Variants in SORL1 observed in about 807,000 individuals in gnomAD.
SORL1 encodes sortilin-related receptor.
SORL1 carries 127 observed loss-of-function variants against 273.7 expected under a neutral mutation model. The observed-to-expected ratio is 0.46, with a 90% CI of 0.40 to 0.54. SORL1 has a LOEUF of 0.54. Ranked by LOEUF, SORL1 falls within the 20% of genes least tolerant of loss-of-function variation. The probability of loss-of-function intolerance (pLI) is 0.00; values close to 1 mark genes in which losing one functional copy is unlikely to be tolerated. For synonymous variants in SORL1, 1,031 were observed against 1,067.4 expected (o/e 0.97, Z 0.66); for missense variants, 2,494 against 2,846.1 (o/e 0.88, Z 2.81).
In SORL1 at chr11:121,595,130, C is replaced by T. The variant is rs1285369840; in HGVS notation, c.4370-493C>T. ...GGGGTGACGTATGGGTTGGTTGCCTCGTGGGACTGATAGGAGGGGATATAA... is the reference window on the plus strand; with the variant it reads ...GGGGTGACGTATGGGTTGGTTGCCTTGTGGGACTGATAGGAGGGGATATAA... On this transcript the variant is annotated intron_variant, in intron 31 of 47. Coordinates refer to ENST00000260197, the MANE Select transcript of SORL1 (RefSeq NM_003105.6). The surrounding 1 kb of genome is among the most constrained non-coding windows in gnomAD (Gnocchi z 5.1). Among the ~76,000 whole-genome samples the T allele has an allele frequency of 2.0e-5, 3 of 152,292 alleles. No homozygotes were observed. The highest frequency in any genetic ancestry group is 3.4e-3 in the Middle Eastern group (1 of 294).
At chr11:121,624,585 GGAAGTGAGCC>G (rs1201497785) in intron 45 of SORL1, among the ~76,000 whole-genome samples, 7 of 152,252 alleles carry the variant, frequency 4.6e-5, no homozygotes, top group Non-Finnish European at 8.8e-5. Flanking sequence ...CAGGGAGACA[GGAAGTGAGCC>G]GACAAGGTCA....
Position 121,629,529 on chromosome 11 carries a change from G to A in SORL1, c.6611G>A (p.Gly2204Glu). 2 of 1,589,964 alleles carry A rather than the reference G, an allele frequency of 1.3e-6. No homozygotes were observed. Among genetic ancestry groups the A allele is most frequent in the East Asian group, 4.5e-5 (2 of 44,766 alleles). ...EDDEDAPMIT[G>E]FSDDVPMVIA Reference sequence around the variant, plus strand: ...GATGAAGATGCCCCTATGATAACTGGATTTTCAGATGACGTCCCCATGGTG... The same window carrying A: ...GATGAAGATGCCCCTATGATAACTGAATTTTCAGATGACGTCCCCATGGTG... The change falls in exon 48 of 48, where the codon GGA becomes GAA. Residue 2204 changes from glycine to glutamate, a missense_variant. Physicochemically the swap from Gly to Glu is moderately conservative, Grantham distance 98. This residue lies in a region of SORL1 where 1,609 missense variants were observed against 1,816.4 expected (regional missense o/e 0.89). Transcript: ENST00000260197.
At chr11:121,497,242 G>C (rs1160385679) in intron 6 of SORL1, among the ~76,000 whole-genome samples, 193 bp downstream of exon 6, 1 of 152,192 alleles carries the variant, frequency 6.6e-6, no homozygotes, top group African/African-American at 2.4e-5. Context: ...TAGGAAGTCA[G>C]AGGAGTGGAG....
At chr11:121,542,150 C>T (rs1429439191) in intron 12 of SORL1, among the ~76,000 whole-genome samples, 1 of 152,194 alleles carries the variant, frequency 6.6e-6, no homozygotes, top group Non-Finnish European at 1.5e-5. Flanking sequence ...TCCCTCACAG[C>T]TACTTAAATG....
chr11:121,462,751 GT>G (rs1861021269), intron 1 of SORL1, among the ~76,000 whole-genome samples: 1 of 151,930 alleles, frequency 6.6e-6, no homozygotes, highest in Non-Finnish European at 1.5e-5. Flanking sequence ...GGCCCGTCTA[GT>G]TTTTGTATTT....
chr11:121,620,236 A>AT (rs1267783864), intron 43 of SORL1, among the ~76,000 whole-genome samples: 2 of 152,058 alleles, frequency 1.3e-5, no homozygotes, highest in East Asian at 1.9e-4. Context: ...CCCATTGCCT[A>AT]TTTTTTTAAA....
chr11:121,577,474 C>G (rs3824966), intron 25 of SORL1, 74 bp downstream of exon 25: 340,632 of 1,390,522 alleles, frequency 0.24, 46,933 homozygotes, highest in East Asian at 0.51. Flanking sequence ...TTTAAACGAT[C>G]GGAAAATCTA....
At position 121,625,232 on chromosome 11, in the gene SORL1, A is replaced by G. The variant is rs774553061; in HGVS notation, c.6319A>G (p.Ile2107Val). ...VQARCLFGNQ[I>V]CGEPAILLYD... is the part of the protein sequence containing the mutation. ...AGCAAGATGCCTTTTTGGCAACCAG[A>G]TCTGTGGGGAGCCTGCCATCCTGCT... The change falls in exon 46 of 48, where the codon ATC (isoleucine) becomes GTC (valine). Residue 2107 changes from isoleucine to valine, a missense_variant. By Grantham distance (29) the Ile-to-Val change is conservative. Coordinates refer to ENST00000260197, the MANE Select transcript of SORL1 (RefSeq NM_003105.6). 1.2e-6 allele frequency: 2 copies of G among 1,613,910 alleles called. No homozygotes were observed. Among genetic ancestry groups the G allele is most frequent in the African/African-American group, 2.7e-5 (2 of 74,870 alleles).
chr11:121,543,657 A>C lies in SORL1; in HGVS notation c.1795A>C (p.Ile599Leu). 6.2e-7 allele frequency: 1 copy of C among 1,614,192 alleles called. No homozygotes were observed. Among genetic ancestry groups the C allele is most frequent in the Non-Finnish European group, 8.5e-7 (1 of 1,180,008 alleles). The change falls in exon 13 of 48, where the codon ATC (isoleucine) becomes CTC (leucine). Residue 599 changes from isoleucine to leucine, a missense_variant. Ile to Leu is a conservative substitution (Grantham distance 5). Coordinates refer to ENST00000260197, the MANE Select transcript of SORL1 (RefSeq NM_003105.6). ...TGGGGAGAAGAGCACTGTCTTCACCATCTTTGGCTCGAACAAAGAGAATGT... is the reference window on the plus strand; with the variant it reads ...TGGGGAGAAGAGCACTGTCTTCACCCTCTTTGGCTCGAACAAAGAGAATGT... ...EPGEKSTVFT[I>L]FGSNKENVHS...
At chr11:121,468,528 C>A (rs1861121376) in intron 1 of SORL1, among the ~76,000 whole-genome samples, 1 of 152,176 alleles carries the variant, frequency 6.6e-6, no homozygotes, top group South Asian at 2.1e-4. Flanking sequence ...TCAAGCGATT[C>A]TTCTGCCTCA....
chr11:121,531,449 C>T (rs1166829781), intron 11 of SORL1, among the ~76,000 whole-genome samples: 1 of 152,072 alleles, frequency 6.6e-6, no homozygotes. Context: ...GGATTGGCAC[C>T]TTTTGACTAT....
At chr11:121,505,251 A>C (rs1414508793) in intron 6 of SORL1, among the ~76,000 whole-genome samples, 1 of 151,906 alleles carries the variant, frequency 6.6e-6, no homozygotes, top group East Asian at 1.9e-4. Flanking sequence ...CATAGTGTTC[A>C]CACTAATCTT....
chr11:121,518,951 CTT>C (rs60120156), intron 8 of SORL1, among the ~76,000 whole-genome samples: 46 of 138,578 alleles, frequency 3.3e-4, no homozygotes, highest in Admixed American at 5.0e-4. Context: ...TTTTCTTTTT[CTT>C]TTTTTTTTTT....
chr11:121,478,172 A>G lies in SORL1; in HGVS notation c.457A>G (p.Asn153Asp). 1 of 1,614,172 alleles carries G rather than the reference A, an allele frequency of 6.2e-7. No homozygotes were observed. The highest frequency in any genetic ancestry group is 8.5e-7 in the Non-Finnish European group (1 of 1,180,024). The change falls in exon 3 of 48, where the codon AAC becomes GAC. Residue 153 changes from asparagine to aspartate, a missense_variant. Physicochemically the swap from Asn to Asp is conservative, Grantham distance 23 (BLOSUM62 1). Coordinates refer to ENST00000260197, the MANE Select transcript of SORL1 (RefSeq NM_003105.6). ...KSFKKISDKL[N>D]FGLGNRSEAV... ...ATTCAAGAAAATTTCAGACAAGTTAAACTTTGGCTTGGGAAATAGGAGTGA... is the reference window on the plus strand; with the variant it reads ...ATTCAAGAAAATTTCAGACAAGTTAGACTTTGGCTTGGGAAATAGGAGTGA...
intron 11 of SORL1, among the ~76,000 whole-genome samples, chr11:121,527,436 G>C (rs2134865441): frequency 6.6e-6 from 1 of 152,124 alleles, no homozygotes; most frequent in Middle Eastern, 3.4e-3. Context: ...ATTTGTGAGA[G>C]ATACTTGTCT....
chr11:121,540,166 T>C (rs373341847), intron 12 of SORL1, among the ~76,000 whole-genome samples: 4 of 152,330 alleles, frequency 2.6e-5, no homozygotes, highest in African/African-American at 9.6e-5. Context: ...CAGGAACTTT[T>C]CTGGGTAGCT....
intron 5 of SORL1, among the ~76,000 whole-genome samples, chr11:121,495,253 T>A (rs1439666425): frequency 3.3e-5 from 5 of 152,160 alleles, no homozygotes; most frequent in Non-Finnish European, 5.9e-5. Context: ...CTAATTTTTT[T>A]AAATTTATTT....
Position 121,595,931 on chromosome 11 carries a change from G to A in SORL1, c.4519+159G>A, listed in dbSNP as rs914001808. Among the ~76,000 whole-genome samples, 5 of 152,204 alleles carry A rather than the reference G, an allele frequency of 3.3e-5. No homozygotes were observed. The South Asian group carries it at 1.0e-3, about 31-fold the overall frequency. On this transcript the variant is annotated intron_variant, in intron 32 of 47. Coordinates refer to ENST00000260197, the MANE Select transcript of SORL1 (RefSeq NM_003105.6). The surrounding 1 kb of genome is among the most constrained non-coding windows in gnomAD (Gnocchi z 5.1). ...GCATTCTCCACAAGCGCTTTGCCAC[G>A]TGCACCCATACCATTGCGTTAGTCA...
Position 121,586,272 on chromosome 11 carries a change from A to G in SORL1, c.3757A>G (p.Ser1253Gly). 6.2e-7 allele frequency: 1 copy of G among 1,614,184 alleles called. No homozygotes were observed. The highest frequency in any genetic ancestry group is 8.5e-7 in the Non-Finnish European group (1 of 1,180,018). ...CCCAAACGGCACTTGCATCCCATCC[A>G]GCAAACATTGTGATGGTCTGCGTGA... ...RCPNGTCIPS[S>G]KHCDGLRDCS... The change falls in exon 27 of 48, where the codon AGC becomes GGC. Residue 1253 changes from serine to glycine, a missense_variant. Coordinates refer to ENST00000260197, the MANE Select transcript of SORL1 (RefSeq NM_003105.6).
Sources: allele counts gnomAD v4.1 joint callset (sites outside exome capture counted in the v4.1 genomes callset), GRCh38; gene constraint gnomAD v4.1.1; regional missense constraint gnomAD v4.1.1; non-coding constraint Gnocchi (gnomAD v3.1); transcripts MANE v1.5; gene names NCBI Gene and HGNC (gene_info 2026-07-23, HGNC 2026-07-21).